NAALADL2: variants seen among roughly 807,000 people sequenced by gnomAD.
NAALADL2 encodes the protein inactive N-acetylated-alpha-linked acidic dipeptidase-like protein 2.
In NAALADL2, 76 loss-of-function variants were observed where a neutral mutation model predicts 87.2. The observed-to-expected ratio is 0.87, with a 90% CI of 0.72 to 1.05. NAALADL2 has a LOEUF of 1.05. Ranked by LOEUF, NAALADL2 falls within the 50% of genes least tolerant of loss-of-function variation. The pLI is 0.00. For missense variants in NAALADL2, 1,089 were observed against 945.8 expected, an observed-to-expected ratio of 1.15 and a Z score of -1.99; for synonymous variants, 354 against 331.0, an observed-to-expected ratio of 1.07 and a Z score of -0.75.
chr3:174,715,157 A>G (rs770314751), intron 2 of NAALADL2, among the ~76,000 whole-genome samples: 2 of 152,192 alleles, frequency 1.3e-5, no homozygotes, highest in Non-Finnish European at 2.9e-5. Context: ...AGATAAATCT[A>G]TCCAAATCCA....
intron 11 of NAALADL2, among the ~76,000 whole-genome samples, chr3:175,666,298 A>G (rs1732982153): frequency 6.6e-6 from 1 of 152,182 alleles, no homozygotes; most frequent in Non-Finnish European, 1.5e-5. Flanking sequence ...GAAAGGAGGT[A>G]GAACTGAGAT....
intron 3 of NAALADL2, among the ~76,000 whole-genome samples, chr3:174,806,249 C>T (rs1038725728): frequency 6.6e-6 from 1 of 152,144 alleles, no homozygotes; most frequent in African/African-American, 2.4e-5. Context: ...AAGAAGTGAG[C>T]CAAGGGAAAA....
At chr3:174,441,494 C>T (rs1480658032) in intron 1 of NAALADL2, among the ~76,000 whole-genome samples, 1 of 152,268 alleles carries the variant, frequency 6.6e-6, no homozygotes, top group African/African-American at 2.4e-5. Flanking sequence ...GCCGCGGGCC[C>T]GCGCGTTCGA....
chr3:175,391,949 T>C (rs1769127223), intron 5 of NAALADL2, among the ~76,000 whole-genome samples: 1 of 152,182 alleles, frequency 6.6e-6, no homozygotes, highest in South Asian at 2.1e-4. Context: ...GTGTTTCACA[T>C]ATATTTATAC....
intron 4 of NAALADL2, among the ~76,000 whole-genome samples, chr3:175,309,541 CG>C (rs899514413): frequency 1.3e-5 from 2 of 151,378 alleles, no homozygotes; most frequent in Admixed American, 6.6e-5. Context: ...GAAAAAAAAA[CG>C]TGGTTTAAAA....
At chr3:175,746,758 G>A (rs1363869959) in intron 12 of NAALADL2, among the ~76,000 whole-genome samples, 2 of 152,180 alleles carry the variant, frequency 1.3e-5, no homozygotes, top group African/African-American at 2.4e-5. Context: ...TAATAGAGAA[G>A]TTTAATAAGA....
intron 1 of NAALADL2, among the ~76,000 whole-genome samples, chr3:174,934,856 C>T (rs1357756221): frequency 1.3e-5 from 2 of 151,868 alleles, no homozygotes; most frequent in South Asian, 2.1e-4. Context: ...TTATAGGATA[C>T]GTTCAATCAT....
chr3:175,044,781 G>T (rs73883317), intron 1 of NAALADL2, among the ~76,000 whole-genome samples: 10 of 152,022 alleles, frequency 6.6e-5, no homozygotes, highest in African/African-American at 2.2e-4. Context: ...GATTGGTTTT[G>T]ATTTCTTTCT....
At chr3:175,004,376 C>CAAAAAAA (rs538715061) in intron 1 of NAALADL2, among the ~76,000 whole-genome samples, 10 of 33,848 alleles carry the variant, frequency 3.0e-4, no homozygotes, top group African/African-American at 4.2e-4. Context: ...GAGACTATTT[C>CAAAAAAA]AAAAAAAAAA....
intron 3 of NAALADL2, among the ~76,000 whole-genome samples, chr3:175,239,721 T>G (rs541967966): frequency 1.3e-5 from 2 of 152,344 alleles, no homozygotes; most frequent in East Asian, 3.9e-4. Flanking sequence ...TACCCTATTC[T>G]GCAGAGAGCA....
In NAALADL2 at chr3:174,635,621, G is replaced by A. The variant is rs181232582; in HGVS notation, c.-115+84984G>A. Among the ~76,000 whole-genome samples, 317 of 151,408 alleles carry A rather than the reference G, an allele frequency of 2.1e-3. 3 individuals carry two copies. The highest frequency in any genetic ancestry group is 7.1e-3 in the African/African-American group (295 of 41,278). On this transcript the variant is annotated intron_variant, in intron 2 of 3. Transcript: ENST00000434257. ...GGGTTCCAGCAATTCTCCTGCCTCA[G>A]CCTGTCAAGTAGCTGGGATTACAGG... is the stretch of plus-strand genomic sequence containing the variant.
chr3:175,498,297 G>A (rs1197655899), intron 9 of NAALADL2, among the ~76,000 whole-genome samples: 4 of 152,076 alleles, frequency 2.6e-5, no homozygotes, highest in Non-Finnish European at 5.9e-5. Context: ...AATAATATCA[G>A]AGAAAATACC....
intron 11 of NAALADL2, among the ~76,000 whole-genome samples, chr3:175,672,538 A>T (rs1157807078): frequency 6.6e-6 from 1 of 152,158 alleles, no homozygotes; most frequent in East Asian, 1.9e-4. Context: ...AGAAAAAGAC[A>T]GGGAAAGTAA....
intron 3 of NAALADL2, among the ~76,000 whole-genome samples, chr3:175,236,692 G>A (rs1745959049): frequency 1.3e-5 from 2 of 152,254 alleles, no homozygotes; most frequent in South Asian, 4.1e-4. Context: ...TCAGGGAGAA[G>A]GTCATTTGGA....
chr3:175,562,202 A>G (rs1368256198), intron 9 of NAALADL2, among the ~76,000 whole-genome samples: 1 of 152,154 alleles, frequency 6.6e-6, no homozygotes, highest in Non-Finnish European at 1.5e-5. Context: ...CTTAGAAACT[A>G]TGGTGGAAAT....
chr3:174,797,226 G>C (rs1718204286), intron 3 of NAALADL2, among the ~76,000 whole-genome samples: 1 of 151,512 alleles, frequency 6.6e-6, no homozygotes, highest in Admixed American at 6.6e-5. Flanking sequence ...CATTTCCCCA[G>C]GCGGCTTCAT....
intron 5 of NAALADL2, among the ~76,000 whole-genome samples, chr3:175,411,756 T>A (rs924664225): frequency 1.3e-5 from 2 of 152,092 alleles, no homozygotes; most frequent in African/African-American, 2.4e-5. Context: ...TTTAATTTTG[T>A]CTGGTAATGA....
At chr3:175,201,729 T>C (rs1456600759) in intron 2 of NAALADL2, among the ~76,000 whole-genome samples, 1 of 152,086 alleles carries the variant, frequency 6.6e-6, no homozygotes, top group African/African-American at 2.4e-5. Context: ...TGTGTGTCTC[T>C]TTCTCACTTA....
At chr3:174,914,564 T>C (rs955607860) in intron 1 of NAALADL2, among the ~76,000 whole-genome samples, 1 of 152,150 alleles carries the variant, frequency 6.6e-6, no homozygotes, top group African/African-American at 2.4e-5. Flanking sequence ...ATTGTCATGG[T>C]AAGAATAAAA....
Sources: allele counts gnomAD v4.1 joint callset (sites outside exome capture counted in the v4.1 genomes callset), GRCh38; gene constraint gnomAD v4.1.1; transcripts MANE v1.5; gene names NCBI Gene and HGNC (gene_info 2026-07-23, HGNC 2026-07-21).